The following RGL1 variants were observed in gnomAD, a reference collection of about 807,000 sequenced individuals.
RGL1 encodes the protein ral guanine nucleotide dissociation stimulator-like 1.
Under a neutral mutation model 95.2 loss-of-function variants are expected in RGL1, and 24 were observed. The observed-to-expected ratio is 0.25, with a 90% CI of 0.18 to 0.35. The LOEUF (loss-of-function observed/expected upper bound fraction) is 0.35, where lower values mean the gene tolerates loss of function less well. Ranked by LOEUF, RGL1 falls within the 10% of genes least tolerant of loss-of-function variation. RGL1 has a pLI of 1.00. For synonymous variants in RGL1, 329 were observed against 344.9 expected, an observed-to-expected ratio of 0.95 and a Z score of 0.51; for missense variants, 715 against 936.3, an observed-to-expected ratio of 0.76 and a Z score of 3.08.
At chr1:183,800,199 G>T, upstream of RGL1, among the ~76,000 whole-genome samples, 1 of 152,012 alleles carries the variant, frequency 6.6e-6, no homozygotes, top group East Asian at 1.9e-4. Flanking sequence ...AATTCTTCTT[G>T]CAGCCAGAGA....
chr1:183,670,697 T>C (rs1652380473), intron 1 of RGL1, among the ~76,000 whole-genome samples: 1 of 152,240 alleles, frequency 6.6e-6, no homozygotes, highest in Non-Finnish European at 1.5e-5. Flanking sequence ...ACTTTTCTGA[T>C]GGTTCTAAGA....
At chr1:183,861,335 G>A (rs3002652) in intron 3 of RGL1, among the ~76,000 whole-genome samples, 52,087 of 151,938 alleles carry the variant, frequency 0.34, 9,258 homozygotes, top group East Asian at 0.48. Flanking sequence ...TAGAGAGACC[G>A]TCCCTGGGTA....
chr1:183,795,586 A>T (rs1415397120), intron 2 of RGL1, among the ~76,000 whole-genome samples: 1 of 152,212 alleles, frequency 6.6e-6, no homozygotes, highest in Non-Finnish European at 1.5e-5. Context: ...TAGGTAGATT[A>T]GAGGAAGGAA....
At chr1:183,818,585 A>G (rs1055460135) in intron 2 of RGL1, among the ~76,000 whole-genome samples, 8 of 31,560 alleles carry the variant, frequency 2.5e-4, no homozygotes, top group Non-Finnish European at 1.2e-3. Flanking sequence ...CACTTATCAC[A>G]CTATTAAAAA....
chr1:183,894,811 C>A (rs1389487795), intron 9 of RGL1, among the ~76,000 whole-genome samples: 1 of 152,082 alleles, frequency 6.6e-6, no homozygotes, highest in Non-Finnish European at 1.5e-5. Flanking sequence ...ATGTAACGTG[C>A]CACTTATATA....
At chr1:183,706,970 C>T (rs1309910467) in intron 1 of RGL1, among the ~76,000 whole-genome samples, 2 of 152,156 alleles carry the variant, frequency 1.3e-5, no homozygotes, top group Non-Finnish European at 2.9e-5. Context: ...TTTCTCATGG[C>T]TTCAGTTAAA....
chr1:183,730,936 C>T (rs1480669807), intron 1 of RGL1, among the ~76,000 whole-genome samples: 1 of 152,134 alleles, frequency 6.6e-6, no homozygotes, highest in Admixed American at 6.5e-5. Context: ...GAGTAAAACA[C>T]ACTTTCTTTT....
intron 1 of RGL1, among the ~76,000 whole-genome samples, chr1:183,651,669 C>G (rs1040172396): frequency 2.0e-5 from 3 of 152,236 alleles, no homozygotes; most frequent in Admixed American, 1.3e-4. Flanking sequence ...GCTGTGTCAT[C>G]TTAATCCATA....
chr1:183,894,716 A>G (rs1181328703), intron 9 of RGL1, among the ~76,000 whole-genome samples: 1 of 152,098 alleles, frequency 6.6e-6, no homozygotes, highest in Non-Finnish European at 1.5e-5. Context: ...TTTTGTAGAT[A>G]TGTAGTCTCA....
chr1:183,893,877 T>C (rs144478287), intron 9 of RGL1, among the ~76,000 whole-genome samples: 2,522 of 152,308 alleles, frequency 0.017, 65 homozygotes, highest in African/African-American at 0.054. Flanking sequence ...TGGCATGCAG[T>C]AAGTGTTCAG....
At chr1:183,751,503 T>C (rs979035317) in intron 2 of RGL1, among the ~76,000 whole-genome samples, 2 of 152,156 alleles carry the variant, frequency 1.3e-5, no homozygotes, top group African/African-American at 4.8e-5. Flanking sequence ...GGGTTTGACC[T>C]GCTGAGTGAG....
At chr1:183,660,242 A>G (rs1651511569) in intron 1 of RGL1, among the ~76,000 whole-genome samples, 1 of 152,234 alleles carries the variant, frequency 6.6e-6, no homozygotes, top group Non-Finnish European at 1.5e-5. Context: ...TAAATGCTCC[A>G]ATTAAAAGAC....
intron 2 of RGL1, among the ~76,000 whole-genome samples, chr1:183,833,638 G>C (rs1432317776): frequency 1.3e-5 from 2 of 152,138 alleles, no homozygotes; most frequent in Non-Finnish European, 2.9e-5. Context: ...CAGAAACTCA[G>C]GCTACTATAA....
intron 1 of RGL1, among the ~76,000 whole-genome samples, chr1:183,641,758 A>T (rs751729613): frequency 1.3e-5 from 2 of 152,316 alleles, no homozygotes; most frequent in Non-Finnish European, 2.9e-5. Flanking sequence ...TGAAAGTTAG[A>T]GTGTGCTGCA....
intron 1 of RGL1, among the ~76,000 whole-genome samples, chr1:183,649,320 C>T (rs968639812): frequency 2.6e-5 from 4 of 152,188 alleles, no homozygotes; most frequent in Admixed American, 2.6e-4. Flanking sequence ...AAGTACAAAT[C>T]CTAGGGTTAT....
At chr1:183,640,008 AT>A (rs1247361169) in intron 1 of RGL1, among the ~76,000 whole-genome samples, 1 of 151,942 alleles carries the variant, frequency 6.6e-6, no homozygotes, top group African/African-American at 2.4e-5. Context: ...TGCCCAGCTA[AT>A]TTTTATATTT....
chr1:183,880,974 G>C (rs1012167172), intron 5 of RGL1, among the ~76,000 whole-genome samples, 174 bp downstream of exon 5: 4 of 152,090 alleles, frequency 2.6e-5, no homozygotes, highest in Non-Finnish European at 4.4e-5. Flanking sequence ...GTACTAATTA[G>C]AGAGCCTAGA....
chr1:183,813,327 C>T (rs773201747), intron 2 of RGL1, among the ~76,000 whole-genome samples: 6 of 152,188 alleles, frequency 3.9e-5, no homozygotes, highest in Non-Finnish European at 8.8e-5. Context: ...AGCCTTCCTC[C>T]ATATACACTA....
chr1:183,888,438 T>TAA (rs1283367997), intron 7 of RGL1, 36 bp from the exon 8 acceptor site: 2 of 1,220,502 alleles, frequency 1.6e-6, no homozygotes, highest in Non-Finnish European at 2.4e-6. Flanking sequence ...TATTGATAGT[T>TAA]AAATGCCTTT....
Sources: gnomAD v4.1 joint callset for allele counts (sites outside exome capture counted in the v4.1 genomes callset) on GRCh38, gnomAD v4.1.1 for gene constraint, MANE v1.5 for transcripts, NCBI Gene and HGNC (gene_info 2026-07-23, HGNC 2026-07-21) for gene names.